The following RNF130 variants were observed in gnomAD, a reference collection of about 807,000 sequenced individuals.
RNF130 encodes the protein E3 ubiquitin-protein ligase RNF130.
RNF130 carries 21 observed loss-of-function variants against 44.6 expected under a neutral mutation model. The observed-to-expected ratio is 0.47, with a 90% CI of 0.33 to 0.68. The LOEUF is 0.68. Among genes scored for constraint, RNF130 ranks in the 30% least tolerant of loss-of-function variants. The pLI is 0.02. For synonymous variants in RNF130, 214 were observed against 210.4 expected (o/e 1.02, Z -0.15); for missense variants, 479 against 560.6 (o/e 0.85, Z 1.47).
chr5:179,969,112 AAGG>A (rs1482118917), intron 6 of RNF130, among the ~76,000 whole-genome samples: 1 of 152,200 alleles, frequency 6.6e-6, no homozygotes, highest in Non-Finnish European at 1.5e-5. Context: ...TTTGTTCCAT[AAGG>A]AGATCATTCT....
intron 5 of RNF130, among the ~76,000 whole-genome samples, chr5:179,973,510 A>C (rs1238396233): frequency 6.6e-6 from 1 of 152,212 alleles, no homozygotes; most frequent in Non-Finnish European, 1.5e-5. Flanking sequence ...GGGGCGTTTA[A>C]TCTACCTTGG....
chr5:179,966,726 G>A lies in RNF130; in HGVS notation c.1150+80C>T. 3 of 1,265,166 alleles carry A rather than the reference G, an allele frequency of 2.4e-6. No individual in the cohort carries two copies. The South Asian group carries it at 3.8e-5, about 16-fold the overall frequency. The allele number at this position is 1,265,166 out of a possible 1,614,324, so 78.4% of individuals were successfully genotyped here. ...CAGTCTGTGTTGCAGGCTGAGGCGA[G>A]TGCCTTGACTCTCCTGATGGTCCCG... is the stretch of plus-strand genomic sequence containing the variant. On this transcript the variant is annotated intron_variant, in intron 7 of 8. Transcript: ENST00000521389.
intron 3 of RNF130, among the ~76,000 whole-genome samples, chr5:179,988,473 C>T (rs1763003702): frequency 6.6e-6 from 1 of 151,998 alleles, no homozygotes; most frequent in Non-Finnish European, 1.5e-5. Context: ...TTTCCAGTTC[C>T]TTGAGGTGCA....
At chr5:180,015,058 T>C (rs1029117608) in intron 2 of RNF130, among the ~76,000 whole-genome samples, 1 of 152,222 alleles carries the variant, frequency 6.6e-6, no homozygotes, top group Non-Finnish European at 1.5e-5. Context: ...ACCTTTTTAC[T>C]ACCTTACTCA....
chr5:180,020,406 G>A (rs746160192), intron 2 of RNF130, among the ~76,000 whole-genome samples: 1 of 152,034 alleles, frequency 6.6e-6, no homozygotes, highest in Non-Finnish European at 1.5e-5. Context: ...CGTGCTGTAC[G>A]CCACCACCAC....
intron 2 of RNF130, 64 bp from the exon 3 acceptor site, chr5:180,013,375 T>C (rs1271913903): frequency 7.2e-7 from 1 of 1,383,108 alleles, no homozygotes. Context: ...ATCAAATGTA[T>C]CAACACGCTA....
intron 2 of RNF130, among the ~76,000 whole-genome samples, chr5:180,030,070 A>C (rs1353414694): frequency 4.6e-5 from 7 of 151,946 alleles, no homozygotes; most frequent in Admixed American, 4.6e-4. Flanking sequence ...CTGGTCTTGA[A>C]CTTCTGACCT....
rs557574780 is a variant in RNF130 at position 180,038,059 on chromosome 5, T to C, written c.442+2394A>G. ...TAAAACAGGGTTTTTTGTTTAGTTT[T>C]GTGTTTGTCTTTGAGACAGCTTCTA... On this transcript the variant is annotated intron_variant, in intron 2 of 8. Coordinates refer to ENST00000521389, the MANE Select transcript of RNF130 (RefSeq NM_018434.6). Among the ~76,000 whole-genome samples the C allele has an allele frequency of 1.3e-3, 202 of 152,290 alleles. 1 individual carries two copies. The highest frequency in any genetic ancestry group is 2.4e-3 in the Non-Finnish European group (162 of 68,014).
intron 2 of RNF130, among the ~76,000 whole-genome samples, chr5:180,032,250 C>T (rs1000997945): frequency 6.6e-6 from 1 of 152,170 alleles, no homozygotes; most frequent in Non-Finnish European, 1.5e-5. Context: ...GAGTTATAGG[C>T]AAGAACTTCT....
chr5:179,986,732 T>C (rs1378975088), intron 3 of RNF130, among the ~76,000 whole-genome samples: 1 of 152,242 alleles, frequency 6.6e-6, no homozygotes, highest in East Asian at 1.9e-4. Flanking sequence ...TTTTTAACTT[T>C]TTACAATGGA....
At chr5:180,029,223 G>C (rs907244270) in intron 2 of RNF130, among the ~76,000 whole-genome samples, 3 of 152,100 alleles carry the variant, frequency 2.0e-5, no homozygotes, top group African/African-American at 7.2e-5. Flanking sequence ...ATTAAAATCT[G>C]TGATAAATTA....
intron 3 of RNF130, among the ~76,000 whole-genome samples, chr5:179,980,969 C>A (rs1048202009): frequency 2.0e-5 from 3 of 151,810 alleles, no homozygotes; most frequent in Non-Finnish European, 4.4e-5. Context: ...GGCCAGGTGG[C>A]AGCACAGAGG....
rs201118376 is a variant in RNF130 at position 180,071,592 on chromosome 5, C to T, written c.111G>A (p.Ala37=). 5.9e-4 allele frequency: 881 copies of T among 1,502,906 alleles called. 14 individuals carry two copies. The South Asian group carries it at 0.01, about 18-fold the overall frequency. The allele number at this position is 1,502,906 out of a possible 1,614,324, so 93.1% of individuals were successfully genotyped here. The change falls in exon 1 of 9, where the codon GCG becomes GCA. Residue 37 remains alanine (A), a synonymous_variant. Coordinates refer to ENST00000521389, the MANE Select transcript of RNF130 (RefSeq NM_018434.6). ...ADNASQEYYT[A]LINVTVQEPG... ...GCTCCTGCACCGTCACGTTGATGAG[C>T]GCCGTGTAGTACTCCTGGCTCGCGT...
chr5:179,927,941 T>G (rs1761729430), intron 7 of RNF130, among the ~76,000 whole-genome samples: 1 of 152,128 alleles, frequency 6.6e-6, no homozygotes, highest in Non-Finnish European at 1.5e-5. Context: ...AATATATTCT[T>G]TTGTGTCTAG....
Position 179,971,103 on chromosome 5 carries a change from A to ATTTTCT in RNF130, c.849-603_849-598dup, listed in dbSNP as rs202040162. The stretch of plus-strand genomic sequence containing the variant: ...AAATGTTAACGGGGGAGGATGGGAG[A>ATTTTCT]TTTTCTCTCTTATTCAGGCAAGTAG... On this transcript the variant is annotated intron_variant, in intron 5 of 8. Transcript: ENST00000521389. Among the ~76,000 whole-genome samples the ATTTTCT allele has an allele frequency of 9.7e-3, 1,472 of 152,184 alleles. 14 individuals are homozygous for ATTTTCT. The highest frequency in any genetic ancestry group is 0.035 in the Admixed American group (535 of 15,294).
At chr5:179,950,152 C>G (rs1402114946), downstream of RNF130, among the ~76,000 whole-genome samples, 1 of 151,888 alleles carries the variant, frequency 6.6e-6, no homozygotes, top group Non-Finnish European at 1.5e-5. Flanking sequence ...TCACTCCATC[C>G]TGGGTGATGG....
At chr5:180,026,751 C>T (rs764386285) in intron 2 of RNF130, among the ~76,000 whole-genome samples, 1 of 152,142 alleles carries the variant, frequency 6.6e-6, no homozygotes, top group Non-Finnish European at 1.5e-5. Flanking sequence ...GAAAAGAAAG[C>T]TTAACAACCA....
chr5:180,045,319 C>A (rs1468009903), intron 1 of RNF130, among the ~76,000 whole-genome samples: 1 of 152,184 alleles, frequency 6.6e-6, no homozygotes. Flanking sequence ...AAGCCGCGGA[C>A]CCTCACGGTG....
At chr5:179,992,515 G>T (rs1763108565) in intron 3 of RNF130, among the ~76,000 whole-genome samples, 2 of 152,262 alleles carry the variant, frequency 1.3e-5, no homozygotes, top group South Asian at 4.1e-4. Context: ...GGAGTTGTCT[G>T]TTTTTAAAAT....
Sources: gnomAD v4.1 joint callset for allele counts (sites outside exome capture counted in the v4.1 genomes callset) on GRCh38, gnomAD v4.1.1 for gene constraint, MANE v1.5 for transcripts, NCBI Gene and HGNC (gene_info 2026-07-23, HGNC 2026-07-21) for gene names.